SNCB: variants seen among roughly 807,000 people sequenced by gnomAD.
SNCB encodes beta-synuclein.
SNCB carries 8 observed loss-of-function variants against 20.0 expected under a neutral mutation model. That is an observed-to-expected ratio of 0.40 (90% CI 0.24 to 0.72). The LOEUF (loss-of-function observed/expected upper bound fraction) is 0.72, where lower values mean the gene tolerates loss of function less well. SNCB is among the 30% of genes least tolerant of loss of function. SNCB has a pLI of 0.37. For missense variants in SNCB, 125 were observed against 168.0 expected (o/e 0.74, Z 1.41); for synonymous variants, 56 against 65.4 (o/e 0.86, Z 0.69).
chr5:176,624,292 C>T (rs1437368485), intron 4 of SNCB, among the ~76,000 whole-genome samples: 1 of 152,210 alleles, frequency 6.6e-6, no homozygotes, highest in Non-Finnish European at 1.5e-5. Context: ...TCCTCCTGAC[C>T]ACCTTATAAG....
Position 176,620,724 on chromosome 5 carries a change from G to T in SNCB, c.*87C>A. 1.1e-6 allele frequency: 1 copy of T among 898,106 alleles called. No homozygotes were observed. Among genetic ancestry groups the T allele is most frequent in the Non-Finnish European group, 1.9e-6 (1 of 526,106 alleles). 55.6% of individuals were successfully genotyped at this position (898,106 alleles called of 1,614,324 possible). On this transcript the variant is annotated 3_prime_UTR_variant, in exon 6 of 6. Transcript: ENST00000393693. The surrounding 1 kb of genome is among the most constrained non-coding windows in gnomAD (Gnocchi z 4.5). ...GGAAGGAAGATCTCGTGATTGGGGA[G>T]AAGGAGTCTAAGGACAGCCCTGGCT... is the stretch of plus-strand genomic sequence containing the variant.
At chr5:176,622,282 A>G (rs1399938487) in intron 4 of SNCB, among the ~76,000 whole-genome samples, 2 of 152,208 alleles carry the variant, frequency 1.3e-5, no homozygotes, top group African/African-American at 4.8e-5. Flanking sequence ...TTTGCCCCCA[A>G]GTCACCCAGC....
At position 176,626,888 on chromosome 5, in the gene SNCB, C is replaced by T. The variant is rs1261032784; in HGVS notation, c.122-127G>A. 1 of 916,206 alleles carries T rather than the reference C, an allele frequency of 1.1e-6. No individual in the cohort carries two copies. Among genetic ancestry groups the T allele is most frequent in the East Asian group, 2.4e-5 (1 of 41,130 alleles). 56.8% of individuals were successfully genotyped at this position (916,206 alleles called of 1,614,324 possible). On this transcript the variant is annotated intron_variant, in intron 2 of 5. Transcript: ENST00000393693. This position sits in a 1 kb window ranked among gnomAD's most constrained non-coding sequence, Gnocchi z 4.2. ...TGCCTCCTTGGGTCCCCACATCCTA[C>T]AACCTGCACCCCCATGTTAACCCCC...
At chr5:176,624,944 G>A (rs1759850854) in intron 4 of SNCB, among the ~76,000 whole-genome samples, 1 of 152,192 alleles carries the variant, frequency 6.6e-6, no homozygotes, top group Non-Finnish European at 1.5e-5. Flanking sequence ...TGACAGGAGT[G>A]GAGGGCAGCG....
intron 4 of SNCB, among the ~76,000 whole-genome samples, chr5:176,624,033 G>A (rs1561897783): frequency 6.6e-6 from 1 of 152,208 alleles, no homozygotes; most frequent in Admixed American, 6.5e-5. Context: ...CCCCCATGCC[G>A]CTGGTGGCCC....
chr5:176,629,486 CG>C lies in SNCB; in HGVS notation c.121+47del, dbSNP rs34983866. 1.2e-6 allele frequency: 2 copies of C among 1,600,948 alleles called. No homozygotes were observed. The highest frequency in any genetic ancestry group is 1.7e-6 in the Non-Finnish European group (2 of 1,171,992). ...GGACCCGGCCCCAGCTCCACACTGT[CG>C]GGGGACCCCCAGCCCTGCAGCCCCA... On this transcript the variant is annotated intron_variant, in intron 2 of 5. Transcript: ENST00000393693. This position sits in a 1 kb window ranked among gnomAD's most constrained non-coding sequence, Gnocchi z 4.1.
At chr5:176,628,875 A>C (rs1312030132) in intron 2 of SNCB, among the ~76,000 whole-genome samples, 1 of 152,150 alleles carries the variant, frequency 6.6e-6, no homozygotes, top group Non-Finnish European at 1.5e-5. Flanking sequence ...AAGTTATCCA[A>C]CCCTGGCCTT....
rs374654130 is a variant in SNCB, at chr5:176,621,352, C to A, written c.283-49G>T. The A allele has an allele frequency of 6.7e-7, 1 of 1,487,692 alleles. No individual in the cohort carries two copies. The highest frequency in any genetic ancestry group is 9.3e-7 in the Non-Finnish European group (1 of 1,076,048). The allele number at this position is 1,487,692 out of a possible 1,614,324, so 92.2% of individuals were successfully genotyped here. A position where few individuals can be genotyped will look rare whatever the true frequency, so the allele number is the denominator to read the frequency against. ...TCGTGAGGACAGCCAGGATGCCCCCCAAATTCCCACAGTGGTAAGCTTTGG... is the reference window on the plus strand; with the variant it reads ...TCGTGAGGACAGCCAGGATGCCCCCAAAATTCCCACAGTGGTAAGCTTTGG... On this transcript the variant is annotated intron_variant, in intron 4 of 5. Transcript: ENST00000393693. This position sits in a 1 kb window ranked among gnomAD's most constrained non-coding sequence, Gnocchi z 4.1.
Position 176,621,859 on chromosome 5 carries a change from C to A in SNCB, c.283-556G>T, listed in dbSNP as rs1031565677. Among the ~76,000 whole-genome samples, 6 of 152,348 alleles carry A rather than the reference C, an allele frequency of 3.9e-5. No individual in the cohort carries two copies. The highest frequency in any genetic ancestry group is 3.9e-4 in the East Asian group (2 of 5,180). ...GATGTGTGAGCTAAGACTCTCCCCC[C>A]CACCCGCTGCGTCTGCTGCCCAGAC... On this transcript the variant is annotated intron_variant, in intron 4 of 5. Coordinates refer to ENST00000393693, the MANE Select transcript of SNCB (RefSeq NM_003085.5). The surrounding 1 kb of genome is among the most constrained non-coding windows in gnomAD (Gnocchi z 4.1).
At position 176,621,407 on chromosome 5, in the gene SNCB, G is replaced by T; in HGVS notation, c.283-104C>A. 2.3e-6 allele frequency: 2 copies of T among 873,588 alleles called. No individual in the cohort carries two copies. The highest frequency in any genetic ancestry group is 1.9e-6 in the Non-Finnish European group (1 of 526,972). The allele number at this position is 873,588 out of a possible 1,614,324, so 54.1% of individuals were successfully genotyped here. ...GTTGGAGTGGGGAAGGCTAGGGTGG[G>T]TTGGCAGAGCAAGGATAATTTCTAA... On this transcript the variant is annotated intron_variant, in intron 4 of 5. Coordinates refer to ENST00000393693, the MANE Select transcript of SNCB (RefSeq NM_003085.5). The surrounding 1 kb of genome is among the most constrained non-coding windows in gnomAD (Gnocchi z 4.1).
chr5:176,627,564 C>T (rs551418799), intron 2 of SNCB, among the ~76,000 whole-genome samples: 1 of 152,058 alleles, frequency 6.6e-6, no homozygotes, highest in South Asian at 2.1e-4. Context: ...GGATGAGAGA[C>T]GGAAACGGGG....
rs1159164780 is a variant in SNCB at position 176,621,612 on chromosome 5, C to G, written c.283-309G>C. Among the ~76,000 whole-genome samples, 1 of 152,184 alleles carries G rather than the reference C, an allele frequency of 6.6e-6. No homozygotes were observed. The highest frequency in any genetic ancestry group is 1.5e-5 in the Non-Finnish European group (1 of 68,028). The stretch of plus-strand genomic sequence containing the variant: ...CTCAGTCACCAGCTTATGCCTCATC[C>G]TTTGTGTCAGGCTCTGTGCTGGGCA... On this transcript the variant is annotated intron_variant, in intron 4 of 5. Transcript: ENST00000393693. This position sits in a 1 kb window ranked among gnomAD's most constrained non-coding sequence, Gnocchi z 4.1.
chr5:176,627,667 G>C (rs1048878164), intron 2 of SNCB, among the ~76,000 whole-genome samples: 1 of 150,222 alleles, frequency 6.7e-6, no homozygotes, highest in Non-Finnish European at 1.5e-5. Flanking sequence ...GCGGGGGGGT[G>C]GGGGAAGAGG....
chr5:176,624,421 C>A (rs546810313), intron 4 of SNCB, among the ~76,000 whole-genome samples: 78 of 152,246 alleles, frequency 5.1e-4, no homozygotes, highest in Non-Finnish European at 9.7e-4. Flanking sequence ...TGAGTTAGTT[C>A]ATCTAGAGTC....
chr5:176,621,400 A>T lies in SNCB; in HGVS notation c.283-97T>A. 1.0e-6 allele frequency: 1 copy of T among 960,184 alleles called. No homozygotes were observed. Among genetic ancestry groups the T allele is most frequent in the Non-Finnish European group, 1.7e-6 (1 of 603,866 alleles). 59.5% of individuals were successfully genotyped at this position (960,184 alleles called of 1,614,324 possible). A position where few individuals can be genotyped will look rare whatever the true frequency, so the allele number is the denominator to read the frequency against. On this transcript the variant is annotated intron_variant, in intron 4 of 5. Transcript: ENST00000393693. This position sits in a 1 kb window ranked among gnomAD's most constrained non-coding sequence, Gnocchi z 4.1. ...TGGGTGGGTTGGAGTGGGGAAGGCT[A>T]GGGTGGGTTGGCAGAGCAAGGATAA...
rs541107125 is a variant in SNCB at position 176,626,858 on chromosome 5, G to A, written c.122-97C>T. ...ATTACAGAGTGGGCATCCTGGCCCC[G>A]TCACTGCCTCCTTGGGTCCCCACAT... On this transcript the variant is annotated intron_variant, in intron 2 of 5. Coordinates refer to ENST00000393693, the MANE Select transcript of SNCB (RefSeq NM_003085.5). This position sits in a 1 kb window ranked among gnomAD's most constrained non-coding sequence, Gnocchi z 4.2. 76 of 1,299,100 alleles carry A rather than the reference G, an allele frequency of 5.9e-5. No individual in the cohort carries two copies. The highest frequency in any genetic ancestry group is 2.2e-4 in the Admixed American group (13 of 59,374). The allele number at this position is 1,299,100 out of a possible 1,614,324, so 80.5% of individuals were successfully genotyped here.
At position 176,629,138 on chromosome 5, in the gene SNCB, C is replaced by T. The variant is rs916971331; in HGVS notation, c.121+396G>A. 6.6e-6 allele frequency among the ~76,000 whole-genome samples: 1 copy of T among 152,154 alleles called. No individual in the cohort carries two copies. The highest frequency in any genetic ancestry group is 1.5e-5 in the Non-Finnish European group (1 of 68,036). ...TTAGATCTCTGGGAAGCCCAGTTTC[C>T]CTTACCTGTAGAATGGGCCGAAGCA... On this transcript the variant is annotated intron_variant, in intron 2 of 5. Coordinates refer to ENST00000393693, the MANE Select transcript of SNCB (RefSeq NM_003085.5). This position sits in a 1 kb window ranked among gnomAD's most constrained non-coding sequence, Gnocchi z 4.1.
chr5:176,627,468 T>C (rs993262830), intron 2 of SNCB, among the ~76,000 whole-genome samples: 11 of 152,274 alleles, frequency 7.2e-5, no homozygotes, highest in Admixed American at 1.3e-4. Context: ...TGGCATTGGC[T>C]GGGCCTTCCT....
In SNCB at chr5:176,621,373, T is replaced by A; in HGVS notation, c.283-70A>T. ...CCCCCAAATTCCCACAGTGGTAAGCTTTGGGTGGGTTGGAGTGGGGAAGGC... is the reference window on the plus strand; with the variant it reads ...CCCCCAAATTCCCACAGTGGTAAGCATTGGGTGGGTTGGAGTGGGGAAGGC... On this transcript the variant is annotated intron_variant, in intron 4 of 5. Coordinates refer to ENST00000393693, the MANE Select transcript of SNCB (RefSeq NM_003085.5). This position sits in a 1 kb window ranked among gnomAD's most constrained non-coding sequence, Gnocchi z 4.1. 1 of 1,323,132 alleles carries A rather than the reference T, an allele frequency of 7.6e-7. No individual in the cohort carries two copies. The highest frequency in any genetic ancestry group is 1.1e-6 in the Non-Finnish European group (1 of 930,254). The allele number at this position is 1,323,132 out of a possible 1,614,324, so 82.0% of individuals were successfully genotyped here.
Sources: gnomAD v4.1 joint callset for allele counts (sites outside exome capture counted in the v4.1 genomes callset) on GRCh38, gnomAD v4.1.1 for gene constraint, Gnocchi (gnomAD v3.1) non-coding constraint, MANE v1.5 for transcripts, NCBI Gene and HGNC (gene_info 2026-07-23, HGNC 2026-07-21) for gene names.